Variants in GRID1 observed in about 807,000 individuals in gnomAD.
The protein encoded by GRID1 is glutamate ionotropic receptor delta type subunit 1.
GRID1 carries 28 observed loss-of-function variants against 98.0 expected under a neutral mutation model. The observed-to-expected ratio is 0.29, with a 90% confidence interval of 0.21 to 0.39. GRID1 has a LOEUF of 0.39. Ranked by LOEUF, GRID1 falls within the 10% of genes least tolerant of loss-of-function variation. The pLI, the probability that GRID1 is intolerant of heterozygous loss-of-function variation, is 1.00. For missense variants in GRID1, 1,111 were observed against 1,340.5 expected (o/e 0.83, Z 2.67); for synonymous variants, 553 against 538.5 (o/e 1.03, Z -0.37).
intron 5 of GRID1, among the ~76,000 whole-genome samples, chr10:85,888,757 AT>A (rs1371503958): frequency 6.6e-6 from 1 of 151,480 alleles, no homozygotes; most frequent in African/African-American, 2.4e-5. Context: ...TGTTTTTACT[AT>A]TTCCTTTGTC....
In GRID1 at chr10:85,912,792, CT is replaced by C. The variant is rs549449139; in HGVS notation, c.780+3393del. Among the ~76,000 whole-genome samples, 12 of 152,342 alleles carry C rather than the reference CT, an allele frequency of 7.9e-5. No homozygotes were observed. The South Asian group carries it at 2.5e-3, about 32-fold the overall frequency. On this transcript the variant is annotated intron_variant, in intron 5 of 15. Coordinates refer to ENST00000327946, the MANE Select transcript of GRID1 (RefSeq NM_017551.3). ...AAAGTGAGCCAGTAAATGCCTGCCC[CT>C]GACTTTCTCTTTTTCTTTATTTTCC... is the stretch of plus-strand genomic sequence containing the variant.
chr10:85,641,442 G>A (rs938565381), intron 13 of GRID1, among the ~76,000 whole-genome samples: 1 of 152,170 alleles, frequency 6.6e-6, no homozygotes, highest in African/African-American at 2.4e-5. Flanking sequence ...TTGCCACTTT[G>A]GTGTCAGAGA....
intron 5 of GRID1, among the ~76,000 whole-genome samples, chr10:85,880,849 A>C (rs1460709480): frequency 6.6e-6 from 1 of 152,140 alleles, no homozygotes; most frequent in African/African-American, 2.4e-5. Context: ...GTTTGCAGAT[A>C]ACATGATTGT....
intron 3 of GRID1, among the ~76,000 whole-genome samples, chr10:86,202,894 C>T (rs1284994622): frequency 1.3e-5 from 2 of 152,344 alleles, no homozygotes; most frequent in South Asian, 4.1e-4. Flanking sequence ...ATGCCATGTC[C>T]TTCCAAACTA....
intron 5 of GRID1, among the ~76,000 whole-genome samples, chr10:85,887,669 C>T (rs1177094639): frequency 6.6e-6 from 1 of 152,170 alleles, no homozygotes; most frequent in African/African-American, 2.4e-5. Context: ...ATTTGACTTC[C>T]AACCCCGCCT....
intron 2 of GRID1, among the ~76,000 whole-genome samples, chr10:86,227,070 CCA>C (rs1846363060): frequency 6.6e-6 from 1 of 152,220 alleles, no homozygotes; most frequent in Non-Finnish European, 1.5e-5. Flanking sequence ...GCCTCCAAAG[CCA>C]CAGAGTCAAG....
At chr10:85,879,583 G>C (rs1046423523) in intron 5 of GRID1, among the ~76,000 whole-genome samples, 16 of 152,038 alleles carry the variant, frequency 1.1e-4, no homozygotes, top group African/African-American at 3.9e-4. Flanking sequence ...CGAGAACAAA[G>C]ACAAAACATA....
intron 3 of GRID1, among the ~76,000 whole-genome samples, chr10:86,183,339 ATTATTTAT>A (rs58071795): frequency 0.43 from 64,297 of 149,588 alleles, 14,432 homozygotes; most frequent in African/African-American, 0.55. Flanking sequence ...ATATACCACA[ATTATTTAT>A]TTATTTATTT....
chr10:85,760,126 C>G (rs549502417), intron 8 of GRID1, among the ~76,000 whole-genome samples: 1 of 152,266 alleles, frequency 6.6e-6, no homozygotes, highest in South Asian at 2.1e-4. Flanking sequence ...CCTATTTTAC[C>G]TCAGTGAGAG....
Position 85,607,986 on chromosome 10 carries a change from TA to T in GRID1, c.2602-5286del, listed in dbSNP as rs200475062. Among the ~76,000 whole-genome samples the T allele has an allele frequency of 4.6e-5, 7 of 150,920 alleles. No individual in the cohort carries two copies. In the East Asian group the frequency reaches 5.8e-4, roughly 13 times the overall value. On this transcript the variant is annotated intron_variant, in intron 15 of 15. Coordinates refer to ENST00000327946, the MANE Select transcript of GRID1 (RefSeq NM_017551.3). The stretch of plus-strand genomic sequence containing the variant: ...TCACATACCATCTCACCTGGCTAAT[TA>T]AAAAAAAATTGTAGAGACTGGGGTC...
chr10:86,348,154 C>T (rs1848413934), intron 2 of GRID1, among the ~76,000 whole-genome samples: 1 of 152,232 alleles, frequency 6.6e-6, no homozygotes, highest in African/African-American at 2.4e-5. Flanking sequence ...CTCGTGTGTA[C>T]TTGTCAGAGG....
chr10:85,674,280 T>A (rs1841119763), intron 12 of GRID1, among the ~76,000 whole-genome samples: 1 of 152,152 alleles, frequency 6.6e-6, no homozygotes, highest in Non-Finnish European at 1.5e-5. Flanking sequence ...AAAGCCTGCC[T>A]CTTTCTCCAT....
chr10:86,250,608 A>G (rs1324856472), intron 2 of GRID1, among the ~76,000 whole-genome samples: 1 of 136,688 alleles, frequency 7.3e-6, no homozygotes, highest in Non-Finnish European at 1.7e-5. Flanking sequence ...GGTGGGGGGC[A>G]GCCCCCGCCT....
At chr10:86,208,272 C>T (rs553625118) in intron 2 of GRID1, among the ~76,000 whole-genome samples, 3 of 152,280 alleles carry the variant, frequency 2.0e-5, no homozygotes, top group South Asian at 2.1e-4. Flanking sequence ...TCAAGGCCAC[C>T]GGCAGGGGGT....
At chr10:85,897,329 A>G (rs1385360221) in intron 5 of GRID1, among the ~76,000 whole-genome samples, 1 of 152,196 alleles carries the variant, frequency 6.6e-6, no homozygotes, top group East Asian at 1.9e-4. Flanking sequence ...CTTTCAAAAA[A>G]TAGGCAAACT....
At chr10:85,766,627 T>C (rs1427059731) in intron 8 of GRID1, among the ~76,000 whole-genome samples, 2 of 152,246 alleles carry the variant, frequency 1.3e-5, no homozygotes, top group African/African-American at 2.4e-5. Flanking sequence ...CTTCTCTCTA[T>C]GGGACATTAA....
At chr10:86,227,669 C>A (rs1335643000) in intron 2 of GRID1, among the ~76,000 whole-genome samples, 1 of 152,122 alleles carries the variant, frequency 6.6e-6, no homozygotes, top group Non-Finnish European at 1.5e-5. Context: ...CCCATGCCAG[C>A]CCTCTGCCTG....
At chr10:86,038,048 G>T (rs1438404338) in intron 4 of GRID1, among the ~76,000 whole-genome samples, 1 of 152,164 alleles carries the variant, frequency 6.6e-6, no homozygotes, top group Non-Finnish European at 1.5e-5. Flanking sequence ...ACACTCATAA[G>T]GAAGATCGCA....
chr10:86,258,462 CA>C (rs1442582109), intron 2 of GRID1, among the ~76,000 whole-genome samples: 4 of 152,152 alleles, frequency 2.6e-5, no homozygotes, highest in Non-Finnish European at 4.4e-5. Context: ...CTTAAATCAG[CA>C]AAAAGTGATT....
Sources: gnomAD v4.1 joint callset for allele counts (sites outside exome capture counted in the v4.1 genomes callset) on GRCh38, gnomAD v4.1.1 for gene constraint, MANE v1.5 for transcripts, NCBI Gene and HGNC (gene_info 2026-07-23, HGNC 2026-07-21) for gene names.